TMEM260: variants seen among roughly 807,000 people sequenced by gnomAD.
TMEM260 encodes the protein protein O-mannosyl-transferase TMEM260.
Under a neutral mutation model 88.9 loss-of-function variants are expected in TMEM260, and 82 were observed. The observed-to-expected ratio is 0.92, with a 90% confidence interval of 0.77 to 1.11. The LOEUF (loss-of-function observed/expected upper bound fraction) is 1.11. Among genes scored for constraint, TMEM260 ranks in the 50% least tolerant of loss-of-function variants. The pLI, the probability that TMEM260 is intolerant of heterozygous loss-of-function variation, is 0.00. For synonymous variants in TMEM260, 314 were observed against 309.3 expected (o/e 1.02, Z -0.16); for missense variants, 902 against 853.4 (o/e 1.06, Z -0.71).
intron 1 of TMEM260, among the ~76,000 whole-genome samples, chr14:56,583,276 G>A (rs941518731): frequency 6.6e-6 from 1 of 152,162 alleles, no homozygotes; most frequent in South Asian, 2.1e-4. Context: ...TTAAAAAGAA[G>A]CATTTAGGAT....
rs566587459 is a variant in TMEM260 at position 56,633,292 on chromosome 14, T to G, written c.1724+121T>G. 1.1e-5 allele frequency: 8 copies of G among 715,916 alleles called. No homozygotes were observed. The Admixed American group carries it at 1.8e-4, about 16-fold the overall frequency. The allele number at this position is 715,916 out of a possible 1,614,324, so 44.3% of individuals were successfully genotyped here. ...TTTATTAATTGTTAATATTGTTACTTGCTACCCACAAAATACCATAAAACA... is the reference window on the plus strand; with the variant it reads ...TTTATTAATTGTTAATATTGTTACTGGCTACCCACAAAATACCATAAAACA... On this transcript the variant is annotated intron_variant, in intron 13 of 15. Coordinates refer to ENST00000261556, the MANE Select transcript of TMEM260 (RefSeq NM_017799.4).
In TMEM260 at chr14:56,647,972, A is replaced by C. The variant is rs1890071062; in HGVS notation, c.*475A>C. The C allele has an allele frequency of 6.4e-6, 1 of 155,372 alleles. No homozygotes were observed. Among genetic ancestry groups the C allele is most frequent in the Non-Finnish European group, 1.4e-5 (1 of 69,920 alleles). The allele number at this position is 155,372 out of a possible 1,614,324, so 9.6% of individuals were successfully genotyped here. On this transcript the variant is annotated 3_prime_UTR_variant, in exon 16 of 16. Coordinates refer to ENST00000261556, the MANE Select transcript of TMEM260 (RefSeq NM_017799.4). Reference sequence around the variant, plus strand: ...CTTTAGGTGAGAGTACATTTTTTACAAAGTAGCTATAGTTGTTACATAGTC... The same window carrying C: ...CTTTAGGTGAGAGTACATTTTTTACCAAGTAGCTATAGTTGTTACATAGTC...
the TMEM260 span, among the ~76,000 whole-genome samples, chr14:56,657,947 AC>A: frequency 1.4e-3 from 209 of 152,342 alleles, no homozygotes; most frequent in African/African-American, 4.9e-3. Flanking sequence ...GATTAAAAAA[AC>A]ATTCATGCTG....
chr14:56,625,844 A>T (rs1888214765), intron 12 of TMEM260, among the ~76,000 whole-genome samples: 2 of 152,226 alleles, frequency 1.3e-5, no homozygotes, highest in South Asian at 4.1e-4. Flanking sequence ...AAGCAATTAT[A>T]GTTCCCCTGA....
At chr14:56,584,933 A>AT (rs1199261268) in intron 1 of TMEM260, 68 bp from the exon 2 acceptor site, 2 of 1,374,480 alleles carry the variant, frequency 1.5e-6, no homozygotes, top group African/African-American at 2.9e-5. Context: ...AAGCATTTGG[A>AT]TTTTGAAAAC....
At chr14:56,585,635 A>C (rs1207793104) in intron 2 of TMEM260, 126 bp from the exon 3 acceptor site, 1 of 869,764 alleles carries the variant, frequency 1.1e-6, no homozygotes, top group East Asian at 2.5e-5. Flanking sequence ...ACCACTATTC[A>C]AACATTTAGT....
At chr14:56,602,461 T>C (rs542999499) in intron 3 of TMEM260, among the ~76,000 whole-genome samples, 3 of 152,224 alleles carry the variant, frequency 2.0e-5, no homozygotes, top group African/African-American at 7.2e-5. Flanking sequence ...TTAGAACTTA[T>C]CCCTCAAGCA....
At chr14:56,598,739 C>T (rs925660403) in intron 3 of TMEM260, among the ~76,000 whole-genome samples, 4 of 152,150 alleles carry the variant, frequency 2.6e-5, no homozygotes, top group Admixed American at 1.3e-4. Context: ...ACAGACATAA[C>T]TTGCTGTGTC....
chr14:56,605,768 T>G (rs991916812), intron 5 of TMEM260, 85 bp downstream of exon 5: 4 of 790,022 alleles, frequency 5.1e-6, no homozygotes, highest in Non-Finnish European at 8.1e-6. Flanking sequence ...ATTTCAGGCT[T>G]TAATTTTTCT....
At position 56,594,099 on chromosome 14, in the gene TMEM260, A is replaced by G. The variant is rs115084850; in HGVS notation, c.344+8187A>G. Among the ~76,000 whole-genome samples, 1,495 of 152,242 alleles carry G rather than the reference A, an allele frequency of 9.8e-3. 31 individuals are homozygous for G. Among genetic ancestry groups the G allele is most frequent in the African/African-American group, 0.035 (1,434 of 41,528 alleles). On this transcript the variant is annotated intron_variant, in intron 3 of 15. Transcript: ENST00000261556. ...CTAATATGATTTTTATCTTTCTGTA[A>G]GTCAGATTAGATGATTAAAATATGT... is the stretch of plus-strand genomic sequence containing the variant.
intron 3 of TMEM260, chr14:56,593,033 A>G (rs1416027550): frequency 1.3e-5 from 2 of 152,250 alleles, no homozygotes; most frequent in Non-Finnish European, 2.9e-5. Context: ...TGTGTAGTGG[A>G]AAGAAAAATA....
chr14:56,630,057 GA>G (rs954202496), intron 12 of TMEM260, among the ~76,000 whole-genome samples: 15 of 146,374 alleles, frequency 1.0e-4, no homozygotes, highest in East Asian at 4.0e-4. Context: ...AAAAAAAGAA[GA>G]AAAAAAAAAG....
chr14:56,622,640 A>G (rs1451476990), intron 11 of TMEM260, among the ~76,000 whole-genome samples: 2 of 152,220 alleles, frequency 1.3e-5, no homozygotes, highest in Non-Finnish European at 2.9e-5. Context: ...ACTAAGATTT[A>G]TTATTTAAGC....
intron 15 of TMEM260, 45 bp downstream of exon 15, chr14:56,636,643 AGGTGAT>A (rs1305470733): frequency 6.6e-7 from 1 of 1,526,042 alleles, no homozygotes; most frequent in Non-Finnish European, 9.1e-7. Flanking sequence ...TTTGGTGGGA[AGGTGAT>A]GGTGATTGTT....
intron 15 of TMEM260, among the ~76,000 whole-genome samples, chr14:56,638,919 T>C (rs1468533124): frequency 6.6e-6 from 1 of 152,136 alleles, no homozygotes; most frequent in Non-Finnish European, 1.5e-5. Flanking sequence ...GGAAATATAA[T>C]TCCACATAAC....
intron 11 of TMEM260, among the ~76,000 whole-genome samples, chr14:56,624,204 T>A (rs916998211): frequency 6.6e-6 from 1 of 152,228 alleles, no homozygotes; most frequent in Admixed American, 6.5e-5. Context: ...TTGATTTTTT[T>A]AATGAATAAA....
At chr14:56,639,574 C>A (rs55769469) in intron 15 of TMEM260, among the ~76,000 whole-genome samples, 1 of 152,250 alleles carries the variant, frequency 6.6e-6, no homozygotes, top group African/African-American at 2.4e-5. Flanking sequence ...GCATGAGCAA[C>A]GCAGAAGACG....
rs202006453 is a variant in TMEM260 at position 56,633,072 on chromosome 14, G to A, written c.1625G>A (p.Gly542Glu). 4 of 1,613,890 alleles carry A rather than the reference G, an allele frequency of 2.5e-6. No homozygotes were observed. The African/African-American group carries it at 4.0e-5, about 16-fold the overall frequency. The change falls in exon 13 of 16, where the codon GGG becomes GAG. Residue 542 changes from glycine (G) to glutamate (E), a missense_variant. Physicochemically the swap from Gly to Glu is moderately conservative, Grantham distance 98. Coordinates refer to ENST00000261556, the MANE Select transcript of TMEM260 (RefSeq NM_017799.4). ...WKKNYSLWPW[G>E]SCDKLVPLEI... is the part of the protein sequence containing the mutation. The stretch of plus-strand genomic sequence containing the variant: ...AAGAACTATTCACTTTGGCCATGGG[G>A]GTCTTGTGACAAATTAGTTCCTTTG...
chr14:56,618,469 C>T, intron 9 of TMEM260, 125 bp from the exon 10 acceptor site: 1 of 870,942 alleles, frequency 1.1e-6, no homozygotes, highest in Admixed American at 2.5e-5. Context: ...AATCAGTTAA[C>T]AAAACCTGAA....
Sources: gnomAD v4.1 joint callset for allele counts (sites outside exome capture counted in the v4.1 genomes callset) on GRCh38, gnomAD v4.1.1 for gene constraint, MANE v1.5 for transcripts, NCBI Gene and HGNC (gene_info 2026-07-23, HGNC 2026-07-21) for gene names.